Variants in PARN observed in about 807,000 individuals in gnomAD.
PARN encodes poly(A)-specific ribonuclease PARN.
In PARN, 71 loss-of-function variants were observed where a neutral mutation model predicts 102.8. The observed-to-expected ratio is 0.69, with a 90% CI of 0.57 to 0.84. PARN has a LOEUF of 0.84. Ranked by LOEUF, PARN falls within the 40% of genes least tolerant of loss-of-function variation. The pLI is 0.00. For missense variants in PARN, 782 were observed against 760.9 expected (o/e 1.03, Z -0.33); for synonymous variants, 261 against 252.9 (o/e 1.03, Z -0.30).
chr16:14,586,261 G>T, intron 14 of PARN, 57 bp downstream of exon 14: 1 of 975,572 alleles, frequency 1.0e-6, no homozygotes, highest in Non-Finnish European at 1.6e-6. Flanking sequence ...ATAGGTGTGA[G>T]CCACCGTGCC....
intron 21 of PARN, among the ~76,000 whole-genome samples, chr16:14,502,537 C>T (rs1964678042): frequency 1.3e-5 from 2 of 152,190 alleles, no homozygotes; most frequent in African/African-American, 4.8e-5. Flanking sequence ...ATTTCATCTC[C>T]AACTCACTGG....
chr16:14,454,255 C>T (rs551337229), intron 22 of PARN, among the ~76,000 whole-genome samples: 5 of 152,206 alleles, frequency 3.3e-5, no homozygotes, highest in Admixed American at 2.0e-4. Context: ...CCAAGGTGGG[C>T]GGATCGCTTG....
chr16:14,625,837 A>G (rs1474235921), intron 5 of PARN, among the ~76,000 whole-genome samples: 1 of 152,230 alleles, frequency 6.6e-6, no homozygotes, highest in Non-Finnish European at 1.5e-5. Context: ...AAATGAATTC[A>G]TGTTTTTAGT....
At chr16:14,609,213 CTATAAGAACATGTGACAATGTA>C in intron 7 of PARN, 90 bp from the exon 8 acceptor site, 1 of 637,850 alleles carries the variant, frequency 1.6e-6, no homozygotes, top group South Asian at 1.9e-5. Context: ...AACAGTCTAA[CTATAAGAACATGTGACAATGTA>C]ATTCTACCAA....
chr16:14,524,081 C>A (rs763937467), intron 21 of PARN, among the ~76,000 whole-genome samples: 1 of 152,108 alleles, frequency 6.6e-6, no homozygotes, highest in South Asian at 2.1e-4. Flanking sequence ...CTGTAGTATA[C>A]GCAGTCCATA....
intron 21 of PARN, among the ~76,000 whole-genome samples, chr16:14,498,317 G>A (rs2151620826): frequency 6.6e-6 from 1 of 152,114 alleles, no homozygotes; most frequent in South Asian, 2.1e-4. Context: ...ACCAAAAGCA[G>A]CCTCTCCCAA....
At chr16:14,513,107 T>C (rs1965287519) in intron 21 of PARN, among the ~76,000 whole-genome samples, 1 of 152,116 alleles carries the variant, frequency 6.6e-6, no homozygotes, top group African/African-American at 2.4e-5. Flanking sequence ...GTATTTTTAG[T>C]AGAGACGGGG....
chr16:14,563,476 T>TTGTGTGTGTG (rs56099416), intron 18 of PARN, among the ~76,000 whole-genome samples: 1 of 143,756 alleles, frequency 7.0e-6, no homozygotes, highest in African/African-American at 2.6e-5. Context: ...GAAAATTCCT[T>TTGTGTGTGTG]TGTGTGTGTG....
chr16:14,495,868 G>A (rs773733737), intron 21 of PARN, among the ~76,000 whole-genome samples: 3 of 152,170 alleles, frequency 2.0e-5, no homozygotes, highest in Non-Finnish European at 4.4e-5. Context: ...TCTGGGGGCA[G>A]GAAGTCGCAC....
At position 14,586,472 on chromosome 16, in the gene PARN, C is replaced by T. The variant is rs1383236011; in HGVS notation, c.919-111G>A. ...TGTCTTCTCAAACAAGCTGTTGGGG[C>T]CCTTAAGCTAAACTACAAAACCCAT... On this transcript the variant is annotated intron_variant, in intron 13 of 23. Transcript: ENST00000437198. The T allele has an allele frequency of 6.2e-6, 4 of 649,754 alleles. No homozygotes were observed. The East Asian group carries it at 1.1e-4, about 19-fold the overall frequency. The allele number at this position is 649,754 out of a possible 1,614,324, so 40.2% of individuals were successfully genotyped here.
chr16:14,610,712 T>C lies in PARN; in HGVS notation c.486A>G (p.Val162=), dbSNP rs1413624304. The change falls in exon 7 of 24, where the codon GTA becomes GTG. Residue 162 remains valine, a synonymous_variant. Transcript: ENST00000437198. ...QANGAGALSY[V]SPNTSKCPVT... is the part of the protein sequence containing the mutation. The stretch of plus-strand genomic sequence containing the variant: ...CAGGACATTTTGAAGTGTTAGGAGA[T>C]ACATAGGACAGAGCTCCTGCACCAT... The C allele has an allele frequency of 1.2e-6, 2 of 1,608,200 alleles. No individual in the cohort carries two copies. Among genetic ancestry groups the C allele is most frequent in the African/African-American group, 1.3e-5 (1 of 74,812 alleles).
In PARN at chr16:14,481,677, G is replaced by T. The variant is rs185502604; in HGVS notation, c.1670+961C>A. On this transcript the variant is annotated intron_variant, in intron 22 of 23. Coordinates refer to ENST00000437198, the MANE Select transcript of PARN (RefSeq NM_002582.4). ...AAAAAACCATTTTTAAAGTACAGAGGGCAATCTGAAATATTAACAGTGATT... is the reference window on the plus strand; with the variant it reads ...AAAAAACCATTTTTAAAGTACAGAGTGCAATCTGAAATATTAACAGTGATT... 3.0e-4 allele frequency among the ~76,000 whole-genome samples: 45 copies of T among 152,028 alleles called. 1 individual carries two copies. Among genetic ancestry groups the T allele is most frequent in the Admixed American group, 1.6e-3 (25 of 15,286 alleles).
intron 13 of PARN, among the ~76,000 whole-genome samples, chr16:14,593,081 A>G (rs1407127067): frequency 6.6e-6 from 1 of 152,182 alleles, no homozygotes; most frequent in East Asian, 1.9e-4. Context: ...GGCTGCAGCA[A>G]GCCAAGATTG....
At chr16:14,598,687 AG>A (rs1375889057) in intron 12 of PARN, among the ~76,000 whole-genome samples, 1 of 152,218 alleles carries the variant, frequency 6.6e-6, no homozygotes, top group Non-Finnish European at 1.5e-5. Context: ...CTTGAGCAAG[AG>A]AAGTCCTCGT....
chr16:14,438,536 T>G (rs1960812569), intron 23 of PARN, among the ~76,000 whole-genome samples: 1 of 145,802 alleles, frequency 6.9e-6, no homozygotes, highest in African/African-American at 2.5e-5. Context: ...AAGCAAAAAG[T>G]TCTGGAGTAA....
chr16:14,524,963 T>C (rs1198285600), intron 21 of PARN, among the ~76,000 whole-genome samples: 2 of 152,218 alleles, frequency 1.3e-5, no homozygotes, highest in Admixed American at 6.5e-5. Flanking sequence ...GGAATGGGGA[T>C]ATAATTTCAT....
intron 21 of PARN, 65 bp downstream of exon 21, chr16:14,551,955 AG>A: frequency 1.0e-6 from 1 of 966,738 alleles, no homozygotes; most frequent in Non-Finnish European, 1.7e-6. Context: ...TTTTAAATTA[AG>A]GGGGCAGTGG....
intron 21 of PARN, among the ~76,000 whole-genome samples, chr16:14,532,999 G>A (rs1358542148): frequency 6.6e-6 from 1 of 152,182 alleles, no homozygotes. Context: ...CTTCCCAGAA[G>A]GGGTGGCGGC....
At chr16:14,577,871 T>C (rs1358670430) in intron 18 of PARN, among the ~76,000 whole-genome samples, 1 of 151,436 alleles carries the variant, frequency 6.6e-6, no homozygotes, top group Non-Finnish European at 1.5e-5. Flanking sequence ...TTTCGCCATG[T>C]TGGCCAGGCT....
Sources: gnomAD v4.1 joint callset for allele counts (sites outside exome capture counted in the v4.1 genomes callset) on GRCh38, gnomAD v4.1.1 for gene constraint, MANE v1.5 for transcripts, NCBI Gene and HGNC (gene_info 2026-07-23, HGNC 2026-07-21) for gene names.